KYNU: variants seen among roughly 807,000 people sequenced by gnomAD.
KYNU encodes kynureninase, also known as L-kynurenine hydrolase.
KYNU carries 54 observed loss-of-function variants against 59.2 expected under a neutral mutation model. The ratio of observed to expected loss-of-function variants is 0.91; its 90% CI spans 0.73 to 1.14. The LOEUF is 1.14. KYNU is among the 50% of genes most tolerant of loss of function. KYNU has a pLI of 0.00. For synonymous variants in KYNU, 177 were observed against 192.0 expected, an observed-to-expected ratio of 0.92 and a Z score of 0.65; for missense variants, 567 against 554.4, an observed-to-expected ratio of 1.02 and a Z score of -0.23.
At position 143,046,305 on chromosome 2, in the gene KYNU, G is replaced by T. The variant is rs562205373; in HGVS notation, c.*4133G>T. On this transcript the variant is annotated 3_prime_UTR_variant, in exon 14 of 14. Transcript: ENST00000264170. ...AATGCAATTATACTGTATATATTCT[G>T]CTTTTGCACATATTTTTAGATTCAT... is the stretch of plus-strand genomic sequence containing the variant. The T allele has an allele frequency of 6.6e-5, 10 of 152,160 alleles. 1 individual carries two copies. The highest frequency in any genetic ancestry group is 2.2e-4 in the African/African-American group (9 of 41,536). The allele number at this position is 152,160 out of a possible 1,614,324, so 9.4% of individuals were successfully genotyped here. A position where few individuals can be genotyped will look rare whatever the true frequency, so the allele number is the denominator to read the frequency against.
chr2:142,918,573 T>A lies in KYNU; in HGVS notation c.170-36T>A, dbSNP rs1191401676. Reference sequence around the variant, plus strand: ...CAATACCATACTGAAAAAGCTTTTATTTTTTTTTTTTTTTTTGACATTTCT... The same window carrying A: ...CAATACCATACTGAAAAAGCTTTTAATTTTTTTTTTTTTTTTGACATTTCT... On this transcript the variant is annotated intron_variant, in intron 2 of 13. Coordinates refer to ENST00000264170, the MANE Select transcript of KYNU (RefSeq NM_003937.3). 5.1e-5 allele frequency: 5 copies of A among 97,776 alleles called. No individual in the cohort carries two copies. In the East Asian group the frequency reaches 2.5e-3, roughly 49 times the overall value. The allele number at this position is 97,776 out of a possible 1,614,324, so 6.1% of individuals were successfully genotyped here.
chr2:142,931,511 A>G (rs986528723), intron 4 of KYNU, among the ~76,000 whole-genome samples: 4 of 152,142 alleles, frequency 2.6e-5, no homozygotes, highest in Non-Finnish European at 5.9e-5. Flanking sequence ...TTGCTGCTTC[A>G]CGAATGAAAG....
At chr2:143,032,005 T>C (rs542217689) in intron 11 of KYNU, among the ~76,000 whole-genome samples, 42 of 151,624 alleles carry the variant, frequency 2.8e-4, no homozygotes, top group East Asian at 7.9e-4. Context: ...TGGCCGGGCG[T>C]GGTGGCTCAC....
rs375049985 is a variant in KYNU at position 142,935,010 on chromosome 2, T to G, written c.373+7269T>G. 3.6e-3 allele frequency among the ~76,000 whole-genome samples: 541 copies of G among 152,294 alleles called. 2 individuals are homozygous for G. Among genetic ancestry groups the G allele is most frequent in the South Asian group, 0.018 (85 of 4,824 alleles). ...TGCAGCCCTGCGGGCCTGGTGGAGG[T>G]AAGCATTTGAGACTACCTGTGTTTT... On this transcript the variant is annotated intron_variant, in intron 4 of 13. Coordinates refer to ENST00000264170, the MANE Select transcript of KYNU (RefSeq NM_003937.3).
chr2:143,033,617 T>G (rs376143173), intron 12 of KYNU, among the ~76,000 whole-genome samples: 2 of 152,218 alleles, frequency 1.3e-5, no homozygotes, highest in Admixed American at 6.5e-5. Context: ...TGTTTAAACA[T>G]GAATAAGTTA....
intron 4 of KYNU, chr2:142,946,962 T>C (rs1438596944): frequency 7.5e-7 from 1 of 1,326,232 alleles, no homozygotes; most frequent in East Asian, 2.5e-5. Context: ...TTTCACCTTG[T>C]ACTTTTTGTA....
rs139981827 is a variant in KYNU, at chr2:142,922,637, C to G, written c.290+3908C>G. ...AAAGTAGGAAATGCCATTTGGCTCA[C>G]GGATTCCATCTTCTCCAGTTTTATG... On this transcript the variant is annotated intron_variant, in intron 3 of 13. Coordinates refer to ENST00000264170, the MANE Select transcript of KYNU (RefSeq NM_003937.3). 6.6e-5 allele frequency among the ~76,000 whole-genome samples: 10 copies of G among 152,314 alleles called. No individual in the cohort carries two copies. The South Asian group carries it at 1.0e-3, about 16-fold the overall frequency.
At chr2:142,909,240 A>G (rs1306914377) in intron 2 of KYNU, among the ~76,000 whole-genome samples, 2 of 152,170 alleles carry the variant, frequency 1.3e-5, no homozygotes, top group African/African-American at 4.8e-5. Context: ...AGACTTTAAC[A>G]TAATTACAAT....
intron 1 of KYNU, among the ~76,000 whole-genome samples, chr2:142,879,927 A>G (rs897322229): frequency 6.6e-6 from 1 of 151,660 alleles, no homozygotes; most frequent in Non-Finnish European, 1.5e-5. Context: ...GTCACCTCCA[A>G]TCAACTCAAA....
intron 8 of KYNU, among the ~76,000 whole-genome samples, chr2:142,962,146 G>A (rs1463754012): frequency 2.0e-5 from 3 of 152,216 alleles, no homozygotes; most frequent in Non-Finnish European, 4.4e-5. Flanking sequence ...TGTTATGCAA[G>A]TAATCAGCAG....
intron 10 of KYNU, among the ~76,000 whole-genome samples, chr2:143,014,116 A>T (rs1262635839): frequency 6.6e-6 from 1 of 152,220 alleles, no homozygotes; most frequent in African/African-American, 2.4e-5. Flanking sequence ...TAACATTCCT[A>T]CACAAAGATT....
intron 10 of KYNU, chr2:142,989,947 T>C (rs1685347718): frequency 6.6e-6 from 1 of 151,924 alleles, no homozygotes; most frequent in Non-Finnish European, 1.5e-5. Flanking sequence ...CACTTCCTTT[T>C]TTGTTTAAAT....
At chr2:143,005,215 G>C (rs1481019011) in intron 10 of KYNU, among the ~76,000 whole-genome samples, 2 of 152,178 alleles carry the variant, frequency 1.3e-5, no homozygotes, top group Non-Finnish European at 2.9e-5. Flanking sequence ...CACAGATGGA[G>C]AGATCAATCC....
intron 10 of KYNU, among the ~76,000 whole-genome samples, chr2:142,996,607 A>G (rs114888957): frequency 1.3e-3 from 203 of 151,498 alleles, no homozygotes; most frequent in African/African-American, 4.8e-3. Context: ...AAATCCCCTA[A>G]CTTTCAGTCA....
intron 6 of KYNU, 108 bp from the exon 7 acceptor site, chr2:142,957,533 T>C (rs1305356769): frequency 1.4e-6 from 1 of 722,060 alleles, no homozygotes; most frequent in Non-Finnish European, 2.4e-6. Context: ...ACCTTCACCT[T>C]GGATTTAATA....
chr2:142,938,183 A>G (rs1312185657), intron 4 of KYNU, among the ~76,000 whole-genome samples: 1 of 152,228 alleles, frequency 6.6e-6, no homozygotes, highest in Non-Finnish European at 1.5e-5. Context: ...CATTTATCAT[A>G]AGTGACTGCT....
At chr2:142,918,439 G>T (rs1160908021) in intron 2 of KYNU, among the ~76,000 whole-genome samples, 170 bp from the exon 3 acceptor site, 1 of 152,072 alleles carries the variant, frequency 6.6e-6, no homozygotes, top group Non-Finnish European at 1.5e-5. Flanking sequence ...AAATGTAAAT[G>T]CAAAACTTAA....
Position 143,044,773 on chromosome 2 carries a change from G to C in KYNU, c.*2601G>C, listed in dbSNP as rs1336565836. 2 of 152,102 alleles carry C rather than the reference G, an allele frequency of 1.3e-5. No individual in the cohort carries two copies. The highest frequency in any genetic ancestry group is 4.8e-5 in the African/African-American group (2 of 41,418). The allele number at this position is 152,102 out of a possible 1,614,324, so 9.4% of individuals were successfully genotyped here. On this transcript the variant is annotated 3_prime_UTR_variant, in exon 14 of 14. Transcript: ENST00000264170. ...GATTGCAAAAATTTTCTCCCGTTCT[G>C]TAGGTTGCCCGATCACTCTGATGAT...
At chr2:142,880,108 C>T (rs752338671) in intron 1 of KYNU, among the ~76,000 whole-genome samples, 45 of 152,170 alleles carry the variant, frequency 3.0e-4, no homozygotes, top group Non-Finnish European at 5.7e-4. Context: ...TTTATTCTCT[C>T]GAACTGCCAC....
Sources: allele counts gnomAD v4.1 joint callset (sites outside exome capture counted in the v4.1 genomes callset), GRCh38; gene constraint gnomAD v4.1.1; transcripts MANE v1.5; gene names NCBI Gene and HGNC (gene_info 2026-07-23, HGNC 2026-07-21).